The following GOSR2 variants were observed in gnomAD, a reference collection of about 807,000 sequenced individuals.
The protein encoded by GOSR2 is golgi SNAP receptor complex member 2, also known as 27 kDa Golgi SNARE protein.
Under a neutral mutation model 27.9 loss-of-function variants are expected in GOSR2, and 20 were observed. That is an observed-to-expected ratio of 0.72 (90% CI 0.50 to 1.04). The LOEUF (loss-of-function observed/expected upper bound fraction) is 1.04. Ranked by LOEUF, GOSR2 falls within the 50% of genes least tolerant of loss-of-function variation. The pLI is 0.00. For synonymous variants in GOSR2, 91 were observed against 98.8 expected, an observed-to-expected ratio of 0.92 and a Z score of 0.47; for missense variants, 261 against 270.5, an observed-to-expected ratio of 0.97 and a Z score of 0.25.
chr17:46,935,152 CAG>C lies in GOSR2; in HGVS notation c.464_465del (p.Arg155ThrfsTer12). On this transcript the variant is annotated frameshift_variant, in exon 5 of 6. Coordinates refer to ENST00000640051, the MANE Select transcript of GOSR2 (RefSeq NM_004287.5). LOFTEE classifies it high-confidence loss of function. The part of the protein sequence containing the change: ...GHNILDGLRT[Q>X]RLTLKGTQKK... ...CAATATTTTAGATGGACTGAGGACCCAGAGACTGACCTTGAAGGTGGGGTCCC... is the reference window on the plus strand; with the variant it reads ...CAATATTTTAGATGGACTGAGGACCCAGACTGACCTTGAAGGTGGGGTCCC... The C allele has an allele frequency of 6.2e-7, 1 of 1,614,086 alleles. No individual in the cohort carries two copies.
intron 5 of GOSR2, chr17:46,936,938 C>A: frequency 7.4e-6 from 3 of 406,730 alleles, no homozygotes; most frequent in African/African-American, 2.2e-5. Flanking sequence ...CCTTGTTTCT[C>A]TCAGTTGCTC....
rs1403652023 is a variant in GOSR2, at chr17:46,941,491, G to A, written c.*2731G>A. ...GGCTGGGCTGGCTGCTTCAGAAGCA[G>A]TGGGGAAGCTTTTTAAAATTACATA... On this transcript the variant is annotated 3_prime_UTR_variant, in exon 6 of 6. Coordinates refer to ENST00000640051, the MANE Select transcript of GOSR2 (RefSeq NM_004287.5). 4.4e-6 allele frequency: 4 copies of A among 899,794 alleles called. No individual in the cohort carries two copies. In the Admixed American group the frequency reaches 1.9e-4, roughly 42 times the overall value. 55.7% of individuals were successfully genotyped at this position (899,794 alleles called of 1,614,324 possible). A position where few individuals can be genotyped will look rare whatever the true frequency, so the allele number is the denominator to read the frequency against.
In GOSR2 at chr17:46,952,038, GA is replaced by G. The variant is rs2090395377; in HGVS notation, c.583+13335del. Among the ~76,000 whole-genome samples the G allele has an allele frequency of 2.0e-5, 3 of 152,196 alleles. No individual in the cohort carries two copies. In the South Asian group the frequency reaches 6.2e-4, roughly 32 times the overall value. ...AACTTCGTATATATTGCATCAGGGA[GA>G]GGGGGAGATTCCTGAAGCTGGGTTG... On this transcript the variant is annotated intron_variant, in intron 6 of 6. Transcript: ENST00000573224.
At chr17:46,960,171 C>T (rs903302260) in intron 6 of GOSR2, among the ~76,000 whole-genome samples, 2 of 152,144 alleles carry the variant, frequency 1.3e-5, no homozygotes. Flanking sequence ...AATAAGAAAA[C>T]AAGCAACCCA....
At chr17:46,934,819 A>G (rs1167307765) in intron 4 of GOSR2, among the ~76,000 whole-genome samples, 1 of 152,212 alleles carries the variant, frequency 6.6e-6, no homozygotes, top group Non-Finnish European at 1.5e-5. Context: ...ACTCATTTGG[A>G]GAGTGACAGA....
chr17:46,944,610 CTTT>C (rs55760473), downstream of GOSR2, among the ~76,000 whole-genome samples: 10 of 144,250 alleles, frequency 6.9e-5, no homozygotes, highest in Non-Finnish European at 1.5e-4. Flanking sequence ...TTTTAATTTT[CTTT>C]TTTTTTTTTT....
chr17:46,940,417 C>T lies in GOSR2; in HGVS notation c.*1657C>T. On this transcript the variant is annotated 3_prime_UTR_variant, in exon 6 of 6. Transcript: ENST00000640051. ...GGTTGCAGCATCTTTAGACCTAGAT[C>T]TGTCTAACTCTGGGGAGGCACATTG... 1.3e-6 allele frequency: 2 copies of T among 1,592,360 alleles called. No homozygotes were observed. The highest frequency in any genetic ancestry group is 1.7e-6 in the Non-Finnish European group (2 of 1,173,992).
At chr17:46,966,549 A>G (rs1456456111) in exon 7 of GOSR2, 4 of 695,348 alleles carry the variant, frequency 5.8e-6, no homozygotes, top group African/African-American at 3.5e-5. Flanking sequence ...AGGTCTCACC[A>G]TGTTGCCCAG....
downstream of GOSR2, among the ~76,000 whole-genome samples, chr17:46,946,952 C>G (rs2089957004): frequency 6.6e-6 from 1 of 152,168 alleles, no homozygotes; most frequent in Non-Finnish European, 1.5e-5. Flanking sequence ...GGAGAGCCCA[C>G]CCAGCAGTGA....
chr17:46,944,546 G>A (rs1219299699), downstream of GOSR2, among the ~76,000 whole-genome samples: 2 of 152,060 alleles, frequency 1.3e-5, no homozygotes, highest in Non-Finnish European at 2.9e-5. Context: ...TCTGGGCCTC[G>A]CTCCCCAGAG....
In GOSR2 at chr17:46,953,534, A is replaced by T. The variant is rs532648243; in HGVS notation, c.584-13000A>T. On this transcript the variant is annotated intron_variant, in intron 6 of 6. Transcript: ENST00000573224. ...CGTGTGCATGTGTCTTTATAGCAGC[A>T]TGATTTATAATCCTTTGGGTATATA... Among the ~76,000 whole-genome samples, 5 of 152,324 alleles carry T rather than the reference A, an allele frequency of 3.3e-5. No homozygotes were observed. The East Asian group carries it at 9.6e-4, about 29-fold the overall frequency.
In GOSR2 at chr17:46,940,122, C is replaced by T. The variant is rs2089048330; in HGVS notation, c.*1362C>T. On this transcript the variant is annotated 3_prime_UTR_variant, in exon 6 of 6. Coordinates refer to ENST00000640051, the MANE Select transcript of GOSR2 (RefSeq NM_004287.5). Reference sequence around the variant, plus strand: ...CCTTTCTGTGTTCCTCTTCACCTCTCTTGTTCCCCTCCCCGCTGCTCTGTA... The same window carrying T: ...CCTTTCTGTGTTCCTCTTCACCTCTTTTGTTCCCCTCCCCGCTGCTCTGTA... 2 of 1,229,754 alleles carry T rather than the reference C, an allele frequency of 1.6e-6. No individual in the cohort carries two copies. Among genetic ancestry groups the T allele is most frequent in the Middle Eastern group, 3.3e-4 (1 of 3,018 alleles). 76.2% of individuals were successfully genotyped at this position (1,229,754 alleles called of 1,614,324 possible).
In GOSR2 at chr17:46,940,303, C is replaced by G. The variant is rs2089081107; in HGVS notation, c.*1543C>G. 2.1e-6 allele frequency: 3 copies of G among 1,441,220 alleles called. No individual in the cohort carries two copies. 89.3% of individuals were successfully genotyped at this position (1,441,220 alleles called of 1,614,324 possible). On this transcript the variant is annotated 3_prime_UTR_variant, in exon 6 of 6. Coordinates refer to ENST00000640051, the MANE Select transcript of GOSR2 (RefSeq NM_004287.5). ...CTACCCCTCCGGGCCAAATGGGCCC[C>G]AGGTTTCCAAGGAAGGAGCAATCTG...
chr17:46,934,959 GAC>G, intron 4 of GOSR2, 68 bp from the exon 5 acceptor site: 2 of 1,431,214 alleles, frequency 1.4e-6, no homozygotes, highest in Admixed American at 3.3e-5. Context: ...TTGGCCAAAA[GAC>G]AGAGCAGTGA....
At position 46,935,100 on chromosome 17, in the gene GOSR2, C is replaced by A; in HGVS notation, c.408C>A (p.Gly136=). The part of the protein sequence containing the change: ...FNSSLQKVHN[G]MDDLILDGHN... ...CCTCCCTCCAGAAAGTTCACAACGG[C>A]ATGGATGACCTCATTTTAGATGGGC... is the stretch of plus-strand genomic sequence containing the variant. The change falls in exon 5 of 6, where the codon GGC becomes GGA. Residue 136 remains glycine, a synonymous_variant. Coordinates refer to ENST00000640051, the MANE Select transcript of GOSR2 (RefSeq NM_004287.5). The A allele has an allele frequency of 6.2e-7, 1 of 1,613,206 alleles. No homozygotes were observed. Among genetic ancestry groups the A allele is most frequent in the Non-Finnish European group, 8.5e-7 (1 of 1,179,138 alleles).
rs1410302971 is a variant in GOSR2 at position 46,932,152 on chromosome 17, C to T, written c.289C>T (p.Gln97Ter). 6.2e-7 allele frequency: 1 copy of T among 1,614,136 alleles called. No homozygotes were observed. The highest frequency in any genetic ancestry group is 8.5e-7 in the Non-Finnish European group (1 of 1,179,994). ...GCATCGGCGCCATGCAAGGGAGCAG[C>T]AGGAGAGACAGCGAGAAGAGCTTCT... is the stretch of plus-strand genomic sequence containing the variant. ...FQHRRHAREQ[Q>*]ERQREELLSR... The change falls in exon 4 of 6, where the codon CAG (glutamine) becomes TAG (stop). Residue 97 changes from glutamine (Q) to a stop codon, truncating the protein, a stop_gained. Transcript: ENST00000640051. LOFTEE classifies it high-confidence loss of function.
At chr17:46,931,032 A>AT in intron 2 of GOSR2, 67 bp from the exon 3 acceptor site, 6 of 895,384 alleles carry the variant, frequency 6.7e-6, no homozygotes, top group Non-Finnish European at 9.4e-6. Flanking sequence ...AAAATCTGTG[A>AT]TTTATCATTG....
rs965453562 is a variant in GOSR2, at chr17:46,939,384, A to G, written c.*624A>G. On this transcript the variant is annotated 3_prime_UTR_variant, in exon 6 of 6. Coordinates refer to ENST00000640051, the MANE Select transcript of GOSR2 (RefSeq NM_004287.5). ...GCCGATAACAAGTAAGATTTTCCAC[A>G]CTACAGCTGGGTGTTTCTCTTTTCT... The G allele has an allele frequency of 2.0e-6, 2 of 998,424 alleles. No individual in the cohort carries two copies. The highest frequency in any genetic ancestry group is 4.4e-5 in the South Asian group (1 of 22,912). The allele number at this position is 998,424 out of a possible 1,614,324, so 61.8% of individuals were successfully genotyped here.
Position 46,940,286 on chromosome 17 carries a change from C to T in GOSR2, c.*1526C>T. On this transcript the variant is annotated 3_prime_UTR_variant, in exon 6 of 6. Coordinates refer to ENST00000640051, the MANE Select transcript of GOSR2 (RefSeq NM_004287.5). ...GGAGATCTCCATTGTTCCTACCCCTCCGGGCCAAATGGGCCCCAGGTTTCC... is the reference window on the plus strand; with the variant it reads ...GGAGATCTCCATTGTTCCTACCCCTTCGGGCCAAATGGGCCCCAGGTTTCC... The T allele has an allele frequency of 1.4e-6, 2 of 1,436,766 alleles. No homozygotes were observed. Among genetic ancestry groups the T allele is most frequent in the Non-Finnish European group, 1.8e-6 (2 of 1,100,108 alleles). 89.0% of individuals were successfully genotyped at this position (1,436,766 alleles called of 1,614,324 possible).
Sources: allele counts gnomAD v4.1 joint callset (sites outside exome capture counted in the v4.1 genomes callset), GRCh38; gene constraint gnomAD v4.1.1; transcripts MANE v1.5; gene names NCBI Gene and HGNC (gene_info 2026-07-23, HGNC 2026-07-21).